The following CLIP2 variants were observed in gnomAD, a reference collection of about 807,000 sequenced individuals.
The protein encoded by CLIP2 is CAP-Gly domain containing linker protein 2.
In CLIP2, 41 loss-of-function variants were observed where a neutral mutation model predicts 111.7. The ratio of observed to expected loss-of-function variants is 0.37; its 90% CI spans 0.29 to 0.48. The LOEUF (loss-of-function observed/expected upper bound fraction) is 0.48, where lower values mean the gene tolerates loss of function less well. CLIP2 is among the 20% of genes least tolerant of loss of function. The pLI is 0.99. For missense variants in CLIP2, 1,160 were observed against 1,422.1 expected (o/e 0.82, Z 2.96); for synonymous variants, 660 against 644.2 (o/e 1.02, Z -0.37).
intron 1 of CLIP2, among the ~76,000 whole-genome samples, chr7:74,309,170 C>T (rs1788575549): frequency 6.6e-6 from 1 of 152,112 alleles, no homozygotes; most frequent in East Asian, 2.0e-4. Flanking sequence ...TGCCCGGCCT[C>T]TCCCATCTTA....
At chr7:74,375,462 A>G (rs1220611834) in intron 9 of CLIP2, among the ~76,000 whole-genome samples, 2 of 145,048 alleles carry the variant, frequency 1.4e-5, no homozygotes, top group Admixed American at 1.4e-4. Context: ...CTGAGGCAGG[A>G]GAATCGCTTG....
chr7:74,343,145 G>A (rs1385336844), intron 3 of CLIP2, among the ~76,000 whole-genome samples: 1 of 151,688 alleles, frequency 6.6e-6, no homozygotes, highest in Non-Finnish European at 1.5e-5. Context: ...CTGAGATGGT[G>A]CGGCTCCACT....
At chr7:74,397,328 G>A in intron 14 of CLIP2, 95 bp downstream of exon 14, 3 of 1,298,394 alleles carry the variant, frequency 2.3e-6, no homozygotes, top group Non-Finnish European at 3.2e-6. Context: ...GAGACCTCCT[G>A]GAATGACCCC....
At chr7:74,330,188 T>A (rs1789236648) in intron 2 of CLIP2, among the ~76,000 whole-genome samples, 1 of 151,180 alleles carries the variant, frequency 6.6e-6, no homozygotes, top group Admixed American at 6.6e-5. Flanking sequence ...CTCAGCCTCC[T>A]CAGTAGCTGG....
chr7:74,348,458 T>C (rs1789865821), intron 3 of CLIP2, among the ~76,000 whole-genome samples: 1 of 151,592 alleles, frequency 6.6e-6, no homozygotes, highest in East Asian at 1.9e-4. Flanking sequence ...GAATTTGGGA[T>C]CAGCCTGGGC....
In CLIP2 at chr7:74,316,009, C is replaced by T. The variant is rs537894757; in HGVS notation, c.-67-1471C>T. ...CCTAGGTATTAAGCCCAGCATGCATCAGCTATTTTTCCTGATGCTCTCCCT... is the reference window on the plus strand; with the variant it reads ...CCTAGGTATTAAGCCCAGCATGCATTAGCTATTTTTCCTGATGCTCTCCCT... On this transcript the variant is annotated intron_variant, in intron 1 of 16. Transcript: ENST00000223398. Among the ~76,000 whole-genome samples, 432 of 151,554 alleles carry T rather than the reference C, an allele frequency of 2.9e-3. 3 individuals carry two copies. Among genetic ancestry groups the T allele is most frequent in the African/African-American group, 1.5e-3 (64 of 41,352 alleles).
At chr7:74,326,090 A>T (rs1193024067) in intron 2 of CLIP2, among the ~76,000 whole-genome samples, 5 of 151,952 alleles carry the variant, frequency 3.3e-5, no homozygotes, top group Non-Finnish European at 7.4e-5. Context: ...AATAACAAAA[A>T]TTAGCCGGGC....
In CLIP2 at chr7:74,404,928, C is replaced by T. The variant is rs1791729967; in HGVS notation, c.*1080C>T. 1 of 152,116 alleles carries T rather than the reference C, an allele frequency of 6.6e-6. No homozygotes were observed. The highest frequency in any genetic ancestry group is 1.5e-5 in the Non-Finnish European group (1 of 68,024). 9.4% of individuals were successfully genotyped at this position (152,116 alleles called of 1,614,324 possible). A position where few individuals can be genotyped will look rare whatever the true frequency, so the allele number is the denominator to read the frequency against. ...AGACCCAGGCCTGGCAGGACCGTGC[C>T]TACAGATACTGCAAACGTTCCTACA... is the stretch of plus-strand genomic sequence containing the variant. On this transcript the variant is annotated 3_prime_UTR_variant, in exon 17 of 17. Transcript: ENST00000223398.
chr7:74,368,819 A>G (rs1790526910), intron 8 of CLIP2, among the ~76,000 whole-genome samples: 1 of 152,222 alleles, frequency 6.6e-6, no homozygotes, highest in Non-Finnish European at 1.5e-5. Context: ...CCCATCACTC[A>G]GCTTCAACAG....
chr7:74,349,468 G>GTACATA (rs1385137051), intron 3 of CLIP2, among the ~76,000 whole-genome samples: 2 of 61,764 alleles, frequency 3.2e-5, no homozygotes, highest in Admixed American at 2.4e-4. Context: ...GTGTGTGTGT[G>GTACATA]TGTATATATA....
rs534273070 is a variant in CLIP2, at chr7:74,320,445, C to T, written c.121+2778C>T. 4.6e-5 allele frequency among the ~76,000 whole-genome samples: 7 copies of T among 152,076 alleles called. No individual in the cohort carries two copies. In the South Asian group the frequency reaches 1.5e-3, roughly 32 times the overall value. ...CCTGAAGTAGGAGATCCGCTTGAGC[C>T]CAGGAGGTCGAGGCTGCGGTGAGTT... On this transcript the variant is annotated intron_variant, in intron 2 of 16. Coordinates refer to ENST00000223398, the MANE Select transcript of CLIP2 (RefSeq NM_003388.5).
At chr7:74,336,720 G>A (rs901902586) in intron 2 of CLIP2, among the ~76,000 whole-genome samples, 5 of 152,084 alleles carry the variant, frequency 3.3e-5, no homozygotes, top group South Asian at 4.1e-4. Context: ...GAGCTCAGGT[G>A]AAGCACCTGA....
At position 74,341,597 on chromosome 7, in the gene CLIP2, C is replaced by CTT. The variant is rs201360817; in HGVS notation, c.678+2606_678+2607dup. ...ATGGTGAGGGCTCTGCTTTTCTTTTCTTTTTTTTTTTTTTGAAACAGGGTC... is the reference window on the plus strand; with the variant it reads ...ATGGTGAGGGCTCTGCTTTTCTTTTCTTTTTTTTTTTTTTTTGAAACAGGGTC... On this transcript the variant is annotated intron_variant, in intron 3 of 16. Transcript: ENST00000223398. 1.1e-4 allele frequency among the ~76,000 whole-genome samples: 16 copies of CTT among 142,850 alleles called. No homozygotes were observed. The South Asian group carries it at 1.6e-3, about 14-fold the overall frequency. The allele number at this position is 142,850 out of a possible 152,430, so 93.7% of individuals were successfully genotyped here. A position where few individuals can be genotyped will look rare whatever the true frequency, so the allele number is the denominator to read the frequency against.
chr7:74,338,471 T>A lies in CLIP2; in HGVS notation c.145T>A (p.Ser49Thr), dbSNP rs1554732576. Residue 49 changes from serine (S) to threonine (T), a missense_variant, in exon 3 of 17, where the codon TCT becomes ACT. Physicochemically the swap from Ser to Thr is moderately conservative, Grantham distance 58. This residue lies in a region of CLIP2 where 301 missense variants were observed against 315.2 expected (regional missense o/e 0.96). Transcript: ENST00000223398. This position sits in a 1 kb window ranked among gnomAD's most constrained non-coding sequence, Gnocchi z 4.3. ...KEGSPLHKQS[S>T]GPSSSPAAAA... ...AGGCTCCCCACTGCACAAACAGTCA[T>A]CTGGACCCTCCTCCTCCCCGGCCGC... 7 of 1,612,844 alleles carry A rather than the reference T, an allele frequency of 4.3e-6. No individual in the cohort carries two copies. Among genetic ancestry groups the A allele is most frequent in the Non-Finnish European group, 5.9e-6 (7 of 1,179,794 alleles).
rs782630794 is a variant in CLIP2, at chr7:74,386,616, TC to T, written c.2563+15del. ...GGCCCAAGTAAGTGGTAAGTCTCCCTCCCGCAGGGCAGATGCGGGGGGCTTT... is the reference window on the plus strand; with the variant it reads ...GGCCCAAGTAAGTGGTAAGTCTCCCTCCGCAGGGCAGATGCGGGGGGCTTT... On this transcript the variant is annotated intron_variant, in intron 12 of 16. Coordinates refer to ENST00000223398, the MANE Select transcript of CLIP2 (RefSeq NM_003388.5). The T allele has an allele frequency of 6.3e-7, 1 of 1,594,612 alleles. No individual in the cohort carries two copies. Among genetic ancestry groups the T allele is most frequent in the Non-Finnish European group, 8.5e-7 (1 of 1,171,380 alleles).
chr7:74,339,772 GCTGGGAACTGGAGTTCTCAAGACCC>G (rs1279546089), intron 3 of CLIP2, among the ~76,000 whole-genome samples: 1 of 152,038 alleles, frequency 6.6e-6, no homozygotes, highest in Non-Finnish European at 1.5e-5. Flanking sequence ...ACTGGAAAAG[GCTGGGAACTGGAGTTCTCAAGACCC>G]CTGGTCCTGG....
At chr7:74,313,559 C>CAA (rs781919019) in intron 1 of CLIP2, among the ~76,000 whole-genome samples, 12 of 121,718 alleles carry the variant, frequency 9.9e-5, no homozygotes, top group Admixed American at 1.7e-4. Flanking sequence ...GACTCCATCT[C>CAA]AAAAAAAAAA....
At position 74,289,671 on chromosome 7, in the gene CLIP2, C is replaced by T. The variant is rs879967050; in HGVS notation, c.-131C>T. The T allele has an allele frequency of 6.6e-6, 1 of 152,034 alleles. No individual in the cohort carries two copies. Among genetic ancestry groups the T allele is most frequent in the Non-Finnish European group, 1.5e-5 (1 of 68,014 alleles). The allele number at this position is 152,034 out of a possible 1,614,324, so 9.4% of individuals were successfully genotyped here. On this transcript the variant is annotated 5_prime_UTR_variant, in exon 1 of 17. Transcript: ENST00000223398. Reference sequence around the variant, plus strand: ...CCTCGCCCCCCAGCGCGCCCGGGCCCGAGAGGAGGAGGCCGGGGCTCTCCG... The same window carrying T: ...CCTCGCCCCCCAGCGCGCCCGGGCCTGAGAGGAGGAGGCCGGGGCTCTCCG...
chr7:74,338,708 C>A lies in CLIP2; in HGVS notation c.382C>A (p.Arg128Ser), dbSNP rs1332276102. Residue 128 changes from arginine to serine, a missense_variant, in exon 3 of 17, where the codon CGC becomes AGC. Physicochemically the swap from Arg to Ser is moderately radical, Grantham distance 110. Around this residue, in one of 5 missense-constraint regions of CLIP2, gnomAD observed 301 missense variants for 315.2 expected, o/e 0.96. Transcript: ENST00000223398. This position sits in a 1 kb window ranked among gnomAD's most constrained non-coding sequence, Gnocchi z 4.3. ...GAATGATGGCGCGGTGGGCGGCGTGCGCTACTTCGAGTGCCCGGCCCTCCA... is the reference window on the plus strand; with the variant it reads ...GAATGATGGCGCGGTGGGCGGCGTGAGCTACTTCGAGTGCCCGGCCCTCCA... Reference protein sequence around the residue: ...GKNDGAVGGVRYFECPALQGI... With the variant: ...GKNDGAVGGVSYFECPALQGI... 1.3e-5 allele frequency: 20 copies of A among 1,587,182 alleles called. No individual in the cohort carries two copies. Among genetic ancestry groups the A allele is most frequent in the African/African-American group, 4.0e-5 (3 of 74,440 alleles).
Sources: gnomAD v4.1 joint callset for allele counts (sites outside exome capture counted in the v4.1 genomes callset) on GRCh38, gnomAD v4.1.1 for gene constraint, gnomAD v4.1.1 regional missense constraint, Gnocchi (gnomAD v3.1) non-coding constraint, MANE v1.5 for transcripts, NCBI Gene and HGNC (gene_info 2026-07-23, HGNC 2026-07-21) for gene names.